The following C12orf42 variants were observed in gnomAD, a reference collection of about 807,000 sequenced individuals.
The protein encoded by C12orf42 is chromosome 12 open reading frame 42, also known as uncharacterized protein C12orf42.
C12orf42 carries 25 observed loss-of-function variants against 21.6 expected under a neutral mutation model. The ratio of observed to expected loss-of-function variants is 1.16; its 90% CI spans 0.84 to 1.62. C12orf42 has a LOEUF of 1.62. Among genes scored for constraint, C12orf42 ranks in the 40% most tolerant of loss-of-function variants. The pLI, the probability that C12orf42 is intolerant of heterozygous loss-of-function variation, is 0.00. For missense variants in C12orf42, 483 were observed against 459.3 expected, an observed-to-expected ratio of 1.05 and a Z score of -0.47; for synonymous variants, 174 against 175.0, an observed-to-expected ratio of 0.99 and a Z score of 0.05.
At chr12:103,444,787 C>A (rs966068666) in intron 2 of C12orf42, among the ~76,000 whole-genome samples, 7 of 151,920 alleles carry the variant, frequency 4.6e-5, no homozygotes, top group Admixed American at 3.9e-4. Flanking sequence ...GACTGTCATA[C>A]CTTCTTTAGT....
the C12orf42 span, among the ~76,000 whole-genome samples, chr12:103,231,234 T>G: frequency 1.1e-4 from 16 of 152,352 alleles, no homozygotes; most frequent in African/African-American, 3.8e-4. Flanking sequence ...CACACATGCA[T>G]AGCCTCCACC....
chr12:103,074,902 A>AT, the C12orf42 span, among the ~76,000 whole-genome samples: 1 of 152,116 alleles, frequency 6.6e-6, no homozygotes, highest in African/African-American at 2.4e-5. Context: ...CCTGGGCAAC[A>AT]TAGGGAGACT....
upstream of C12orf42, among the ~76,000 whole-genome samples, chr12:103,500,939 C>G (rs1356917478): frequency 6.6e-6 from 1 of 152,214 alleles, no homozygotes; most frequent in Non-Finnish European, 1.5e-5. Context: ...TTGCTAGTCG[C>G]TTTCCAGACA....
At chr12:103,048,864 A>G in the C12orf42 span, among the ~76,000 whole-genome samples, 1 of 152,166 alleles carries the variant, frequency 6.6e-6, no homozygotes, top group African/African-American at 2.4e-5. Flanking sequence ...ATCTCAGGAT[A>G]TGCCTCTTCC....
At chr12:103,112,489 G>A in the C12orf42 span, among the ~76,000 whole-genome samples, 2 of 151,928 alleles carry the variant, frequency 1.3e-5, no homozygotes, top group African/African-American at 2.4e-5. Flanking sequence ...GTGAAACCCT[G>A]TGTCTACTAA....
intron 4 of C12orf42, among the ~76,000 whole-genome samples, chr12:103,280,231 T>C (rs1173833913): frequency 2.0e-5 from 3 of 152,154 alleles, no homozygotes; most frequent in African/African-American, 7.2e-5. Context: ...GTCATATAGA[T>C]TGTAGTAGTG....
chr12:103,329,841 T>A (rs11111532), intron 4 of C12orf42, among the ~76,000 whole-genome samples: 12,092 of 151,912 alleles, frequency 0.08, 498 homozygotes, highest in East Asian at 0.18. Flanking sequence ...TAGACAAATA[T>A]TAATAGAAAA....
upstream of C12orf42, among the ~76,000 whole-genome samples, chr12:103,497,240 T>C (rs1483696127): frequency 1.3e-5 from 2 of 152,208 alleles, no homozygotes; most frequent in East Asian, 1.9e-4. Flanking sequence ...GGGAAAAGGT[T>C]TGTATGTATA....
chr12:103,127,952 G>T, the C12orf42 span, among the ~76,000 whole-genome samples: 1 of 152,186 alleles, frequency 6.6e-6, no homozygotes, highest in South Asian at 2.1e-4. Context: ...AAATAGGAAA[G>T]ATTGCCCTTA....
intron 5 of C12orf42, among the ~76,000 whole-genome samples, chr12:103,270,531 TA>T (rs2035405505): frequency 6.6e-6 from 1 of 150,758 alleles, no homozygotes; most frequent in African/African-American, 2.4e-5. Context: ...TTTTTATTTT[TA>T]TTTTTTTAAG....
At chr12:103,401,300 A>G (rs143348435) in intron 3 of C12orf42, among the ~76,000 whole-genome samples, 1 of 152,302 alleles carries the variant, frequency 6.6e-6, no homozygotes, top group East Asian at 1.9e-4. Flanking sequence ...TGTTGGCCAC[A>G]TACAGGCACT....
intron 3 of C12orf42, among the ~76,000 whole-genome samples, chr12:103,375,971 A>G (rs2045654656): frequency 6.6e-6 from 1 of 152,202 alleles, no homozygotes; most frequent in Non-Finnish European, 1.5e-5. Flanking sequence ...TGAGACCAAA[A>G]TCTTGCCACT....
chr12:103,203,666 G>A, the C12orf42 span, among the ~76,000 whole-genome samples: 21 of 152,210 alleles, frequency 1.4e-4, no homozygotes, highest in African/African-American at 4.3e-4. Flanking sequence ...TGACAGATTG[G>A]GTTTCCCAAA....
the C12orf42 span, among the ~76,000 whole-genome samples, chr12:103,143,934 C>T: frequency 6.6e-6 from 1 of 152,130 alleles, no homozygotes; most frequent in African/African-American, 2.4e-5. Flanking sequence ...TACTATACTA[C>T]GACTGCTGCT....
chr12:103,099,526 AT>A, the C12orf42 span, among the ~76,000 whole-genome samples: 1 of 152,202 alleles, frequency 6.6e-6, no homozygotes, highest in Non-Finnish European at 1.5e-5. Flanking sequence ...GGAGTTAAGA[AT>A]TTTTATCACT....
At chr12:103,483,643 T>A (rs902152972) in intron 1 of C12orf42, among the ~76,000 whole-genome samples, 14 of 152,120 alleles carry the variant, frequency 9.2e-5, no homozygotes, top group Non-Finnish European at 1.5e-4. Context: ...AGGTTTATGT[T>A]TTTTTTATTT....
the C12orf42 span, among the ~76,000 whole-genome samples, chr12:103,049,627 C>T: frequency 6.6e-6 from 1 of 152,044 alleles, no homozygotes; most frequent in Admixed American, 6.6e-5. Flanking sequence ...AGTCAAAATC[C>T]TCTCAATGGC....
the C12orf42 span, among the ~76,000 whole-genome samples, chr12:103,136,077 C>G: frequency 6.6e-6 from 1 of 152,076 alleles, no homozygotes; most frequent in Non-Finnish European, 1.5e-5. Flanking sequence ...AAAATAAAAC[C>G]ATCCAAATTG....
the C12orf42 span, among the ~76,000 whole-genome samples, chr12:103,090,671 T>C: frequency 1.3e-5 from 2 of 152,172 alleles, no homozygotes; most frequent in Admixed American, 6.5e-5. Context: ...TCTTTGGAGA[T>C]AGGCTTTAGG....
Sources: gnomAD v4.1 joint callset for allele counts (sites outside exome capture counted in the v4.1 genomes callset) on GRCh38, gnomAD v4.1.1 for gene constraint, MANE v1.5 for transcripts, NCBI Gene and HGNC (gene_info 2026-07-23, HGNC 2026-07-21) for gene names.